Variants in DOCK10 observed in about 807,000 individuals in gnomAD.
DOCK10 encodes the protein dedicator of cytokinesis protein 10.
Under a neutral mutation model 280.1 loss-of-function variants are expected in DOCK10, and 145 were observed. The ratio of observed to expected loss-of-function variants is 0.52; its 90% confidence interval spans 0.45 to 0.59. The LOEUF is 0.59. Among genes scored for constraint, DOCK10 ranks in the 20% least tolerant of loss-of-function variants. The pLI, the probability that DOCK10 is intolerant of heterozygous loss-of-function variation, is 0.00. For synonymous variants in DOCK10, 915 were observed against 942.2 expected (o/e 0.97, Z 0.53); for missense variants, 2,368 against 2,651.7 (o/e 0.89, Z 2.35).
intron 40 of DOCK10, among the ~76,000 whole-genome samples, 156 bp from the exon 41 acceptor site, chr2:224,800,419 G>GT (rs1692903875): frequency 3.3e-5 from 5 of 152,050 alleles, no homozygotes; most frequent in Non-Finnish European, 7.4e-5. Flanking sequence ...TTTCTTCATT[G>GT]ACTGAATTAA....
intron 1 of DOCK10, among the ~76,000 whole-genome samples, chr2:224,979,619 T>C (rs1293418490): frequency 6.6e-6 from 1 of 152,250 alleles, no homozygotes; most frequent in Non-Finnish European, 1.5e-5. Context: ...GCCTTTCGCC[T>C]TGGCGGGTCC....
At chr2:224,812,128 T>C (rs1406528216) in intron 31 of DOCK10, among the ~76,000 whole-genome samples, 4 of 152,222 alleles carry the variant, frequency 2.6e-5, no homozygotes, top group African/African-American at 9.6e-5. Context: ...GCATGGAATG[T>C]TCTTCCATTT....
At chr2:224,806,570 CTAT>C (rs1693409005) in intron 33 of DOCK10, among the ~76,000 whole-genome samples, 1 of 152,076 alleles carries the variant, frequency 6.6e-6, no homozygotes, top group Admixed American at 6.6e-5. Flanking sequence ...ATGTACATTA[CTAT>C]TATTAGCAAC....
At position 224,913,718 on chromosome 2, in the gene DOCK10, G is replaced by GTTTATTTA. The variant is rs113890271; in HGVS notation, c.333+2969_333+2976dup. Among the ~76,000 whole-genome samples, 576 of 150,440 alleles carry GTTTATTTA rather than the reference G, an allele frequency of 3.8e-3. 4 individuals are homozygous for GTTTATTTA. The highest frequency in any genetic ancestry group is 9.5e-3 in the African/African-American group (388 of 40,856). On this transcript the variant is annotated intron_variant, in intron 3 of 55. Coordinates refer to ENST00000258390, the MANE Select transcript of DOCK10 (RefSeq NM_014689.3). ...TTGTTTTTATTTTGTTTGTTTGTCT[G>GTTTATTTA]TTTATTTATTTATTTATTTATTTAT...
intron 4 of DOCK10, among the ~76,000 whole-genome samples, chr2:224,895,057 T>A (rs1025331218): frequency 6.6e-6 from 1 of 152,230 alleles, no homozygotes; most frequent in Non-Finnish European, 1.5e-5. Flanking sequence ...ACCATACTGG[T>A]TCCCACCACT....
chr2:224,791,930 T>C (rs536664306), intron 47 of DOCK10, among the ~76,000 whole-genome samples: 2 of 152,354 alleles, frequency 1.3e-5, no homozygotes, highest in South Asian at 4.1e-4. Flanking sequence ...AAAAATGTAT[T>C]TCAACATCTA....
chr2:224,789,441 C>T (rs779316986), intron 47 of DOCK10, among the ~76,000 whole-genome samples: 14 of 152,124 alleles, frequency 9.2e-5, no homozygotes, highest in Non-Finnish European at 1.6e-4. Context: ...GTAGATGTTG[C>T]GGTTCCAATC....
At chr2:224,812,469 A>G (rs1459102731) in intron 31 of DOCK10, among the ~76,000 whole-genome samples, 3 of 152,002 alleles carry the variant, frequency 2.0e-5, no homozygotes, top group African/African-American at 7.3e-5. Flanking sequence ...CTAATTGAAT[A>G]CCCTTTATTT....
Position 224,885,735 on chromosome 2 carries a change from T to A in DOCK10, c.683A>T (p.Asp228Val). The A allele has an allele frequency of 6.2e-7, 1 of 1,613,876 alleles. No homozygotes were observed. The highest frequency in any genetic ancestry group is 1.1e-5 in the South Asian group (1 of 91,064). The change falls in exon 7 of 56, where the codon GAT becomes GTT. Residue 228 changes from aspartate to valine, a missense_variant. Physicochemically the swap from Asp to Val is radical, Grantham distance 152. Around this residue, in one of 2 missense-constraint regions of DOCK10, gnomAD observed 1,209 missense variants for 1,250.9 expected, o/e 0.97. Transcript: ENST00000258390. ...DNSYIMNFYK[D>V]EKISKEPKGC... ...TTTGGGTTCTTTGGATATTTTCTCA[T>A]CTTTGTAAAAGTTCATAATGTAGGA...
chr2:224,897,307 G>T (rs1412546894), intron 3 of DOCK10, among the ~76,000 whole-genome samples: 1 of 151,934 alleles, frequency 6.6e-6, no homozygotes, highest in East Asian at 1.9e-4. Flanking sequence ...TATTTACAGG[G>T]TACATGAGAT....
At chr2:224,860,142 T>C (rs1697403955) in intron 14 of DOCK10, among the ~76,000 whole-genome samples, 1 of 152,218 alleles carries the variant, frequency 6.6e-6, no homozygotes, top group South Asian at 2.1e-4. Flanking sequence ...CAAGGAATAA[T>C]TTCAATAGTC....
At chr2:224,825,257 C>T (rs900372840) in intron 27 of DOCK10, among the ~76,000 whole-genome samples, 6 of 152,206 alleles carry the variant, frequency 3.9e-5, no homozygotes, top group South Asian at 2.1e-4. Flanking sequence ...GGATTACAGG[C>T]TTGAGCCACC....
At chr2:224,814,553 G>T (rs1693998306) in intron 30 of DOCK10, among the ~76,000 whole-genome samples, 189 bp from the exon 31 acceptor site, 1 of 152,012 alleles carries the variant, frequency 6.6e-6, no homozygotes, top group Non-Finnish European at 1.5e-5. Flanking sequence ...ACAGAATCTG[G>T]CTCTGTCGCT....
chr2:225,032,100 A>T (rs755603672), intron 1 of DOCK10, among the ~76,000 whole-genome samples: 14 of 152,208 alleles, frequency 9.2e-5, no homozygotes, highest in Admixed American at 2.0e-4. Context: ...TAAGATGAAA[A>T]TAAGTTTTAT....
chr2:224,823,352 A>G (rs1694633087), intron 28 of DOCK10, 149 bp downstream of exon 28: 1 of 629,296 alleles, frequency 1.6e-6, no homozygotes, highest in Non-Finnish European at 2.5e-6. Flanking sequence ...TATTTCAAGC[A>G]ATAAAGATGT....
At chr2:224,856,088 A>G (rs984069905) in intron 15 of DOCK10, among the ~76,000 whole-genome samples, 1 of 152,234 alleles carries the variant, frequency 6.6e-6, no homozygotes, top group African/African-American at 2.4e-5. Context: ...CACCATAGAC[A>G]CTGGCCATCA....
Position 224,805,670 on chromosome 2 carries a change from A to T in DOCK10, c.3815-141T>A. 1 of 1,104,446 alleles carries T rather than the reference A, an allele frequency of 9.1e-7. No homozygotes were observed. Among genetic ancestry groups the T allele is most frequent in the South Asian group, 1.6e-5 (1 of 62,038 alleles). 68.4% of individuals were successfully genotyped at this position (1,104,446 alleles called of 1,614,324 possible). A position where few individuals can be genotyped will look rare whatever the true frequency, so the allele number is the denominator to read the frequency against. On this transcript the variant is annotated intron_variant, in intron 34 of 55. Coordinates refer to ENST00000258390, the MANE Select transcript of DOCK10 (RefSeq NM_014689.3). The surrounding 1 kb of genome is among the most constrained non-coding windows in gnomAD (Gnocchi z 4.3). ...AAAGACCAACATAACAGCGTCTGGG[A>T]TTGGCATTAAAGCCAGCTCTTGTTT... is the stretch of plus-strand genomic sequence containing the variant.
intron 2 of DOCK10, among the ~76,000 whole-genome samples, chr2:224,923,931 T>A (rs1701915458): frequency 6.6e-6 from 1 of 152,254 alleles, no homozygotes; most frequent in Non-Finnish European, 1.5e-5. Context: ...ATGCTGCTGA[T>A]GAATTCAGCC....
chr2:224,982,471 G>C (rs1397494030), intron 1 of DOCK10: 1 of 1,227,640 alleles, frequency 8.1e-7, no homozygotes. Context: ...GCTGCAGCCG[G>C]CTCACTCTCC....
Sources: gnomAD v4.1 joint callset for allele counts (sites outside exome capture counted in the v4.1 genomes callset) on GRCh38, gnomAD v4.1.1 for gene constraint, gnomAD v4.1.1 regional missense constraint, Gnocchi (gnomAD v3.1) non-coding constraint, MANE v1.5 for transcripts, NCBI Gene and HGNC (gene_info 2026-07-23, HGNC 2026-07-21) for gene names.